Variants in DYNC1I2 observed in about 807,000 individuals in gnomAD.
DYNC1I2 encodes the protein cytoplasmic dynein 1 intermediate chain 2.
A neutral mutation model predicts 88.6 loss-of-function variants in DYNC1I2; 53 were observed. The ratio of observed to expected loss-of-function variants is 0.60; its 90% CI spans 0.48 to 0.75. The LOEUF (loss-of-function observed/expected upper bound fraction) is 0.75, where lower values mean the gene tolerates loss of function less well. Among genes scored for constraint, DYNC1I2 ranks in the 30% least tolerant of loss-of-function variants. DYNC1I2 has a pLI of 0.00. For missense variants in DYNC1I2, 458 were observed against 766.6 expected (o/e 0.60, Z 4.75); for synonymous variants, 198 against 254.6 (o/e 0.78, Z 2.12).
intron 5 of DYNC1I2, among the ~76,000 whole-genome samples, chr2:171,710,122 TACACACACACACACACACACACAC>T (rs55862813): frequency 2.8e-5 from 4 of 144,338 alleles, no homozygotes; most frequent in African/African-American, 1.0e-4. Context: ...TATGTATATA[TACACACACACACACACACACACAC>T]ACACACACAC....
chr2:171,728,388 A>T lies in DYNC1I2; in HGVS notation c.1227A>T (p.Ser409=). The T allele has an allele frequency of 6.2e-7, 1 of 1,602,100 alleles. No homozygotes were observed. Among genetic ancestry groups the T allele is most frequent in the East Asian group, 2.2e-5 (1 of 44,680 alleles). The change falls in exon 13 of 18, where the codon TCA becomes TCT. Residue 409 remains serine (S), a synonymous_variant. Transcript: ENST00000397119. The part of the protein sequence containing the change: ...ISISTDGKIC[S]WSLDMLSHPQ... Reference sequence around the variant, plus strand: ...TCTCTACTGATGGAAAAATTTGTTCATGGAGTCTGGACATGCTTTCCCATC... The same window carrying T: ...TCTCTACTGATGGAAAAATTTGTTCTTGGAGTCTGGACATGCTTTCCCATC...
chr2:171,697,276 C>T (rs907499838), intron 3 of DYNC1I2, among the ~76,000 whole-genome samples: 1 of 152,106 alleles, frequency 6.6e-6, no homozygotes, highest in African/African-American at 2.4e-5. Flanking sequence ...CCTGCCTTGG[C>T]CTCCCAAGGT....
intron 10 of DYNC1I2, chr2:171,726,561 A>G (rs1428412326): frequency 5.2e-6 from 3 of 574,450 alleles, no homozygotes; most frequent in Non-Finnish European, 8.5e-6. Flanking sequence ...TAAAATTTGG[A>G]CACATATTTT....
At chr2:171,725,541 C>G in intron 7 of DYNC1I2, 77 bp from the exon 8 acceptor site, 1 of 942,864 alleles carries the variant, frequency 1.1e-6, no homozygotes, top group Non-Finnish European at 1.5e-6. Context: ...CAAAAGTTAC[C>G]AGCTATTTTC....
At chr2:171,697,170 T>G (rs1685833849) in intron 3 of DYNC1I2, among the ~76,000 whole-genome samples, 1 of 151,812 alleles carries the variant, frequency 6.6e-6, no homozygotes, top group Non-Finnish European at 1.5e-5. Flanking sequence ...CCAACTAATT[T>G]TTTTGTTTTG....
intron 15 of DYNC1I2, among the ~76,000 whole-genome samples, chr2:171,737,191 G>A (rs1689067546): frequency 2.0e-5 from 3 of 152,022 alleles, no homozygotes. Context: ...TCCAGCCTCT[G>A]CCTCTGTCAT....
intron 1 of DYNC1I2, among the ~76,000 whole-genome samples, chr2:171,688,941 A>C (rs148291444): frequency 6.3e-4 from 96 of 152,288 alleles, no homozygotes; most frequent in African/African-American, 2.2e-3. Context: ...TTAGGCAATA[A>C]GTCAATCATG....
chr2:171,721,742 T>C (rs1318062114), intron 7 of DYNC1I2, among the ~76,000 whole-genome samples: 4 of 152,182 alleles, frequency 2.6e-5, no homozygotes, highest in African/African-American at 9.6e-5. Flanking sequence ...TAGGGATTTT[T>C]CATAGGATAT....
At chr2:171,711,825 G>A (rs1222681616) in intron 5 of DYNC1I2, among the ~76,000 whole-genome samples, 1 of 152,140 alleles carries the variant, frequency 6.6e-6, no homozygotes, top group Non-Finnish European at 1.5e-5. Flanking sequence ...TCTTACATAA[G>A]TGAAAAATAT....
chr2:171,716,887 C>T (rs902411341), intron 7 of DYNC1I2, among the ~76,000 whole-genome samples: 1 of 134,618 alleles, frequency 7.4e-6, no homozygotes, highest in Admixed American at 7.9e-5. Flanking sequence ...GCCTGAGCGA[C>T]AGAGCAAGAC....
At chr2:171,729,894 G>T (rs1353999433) in intron 15 of DYNC1I2, 41 bp downstream of exon 15, 2 of 1,608,178 alleles carry the variant, frequency 1.2e-6, no homozygotes, top group Admixed American at 1.7e-5. Flanking sequence ...TCAGGTTTCT[G>T]ACACAAGGTG....
intron 3 of DYNC1I2, among the ~76,000 whole-genome samples, chr2:171,696,908 C>T (rs545297981): frequency 1.1e-3 from 170 of 152,192 alleles, no homozygotes; most frequent in Admixed American, 1.8e-3. Context: ...AAACATTTTT[C>T]TTTCCTCAAG....
chr2:171,701,357 A>T, intron 3 of DYNC1I2, among the ~76,000 whole-genome samples: 1 of 152,144 alleles, frequency 6.6e-6, no homozygotes, highest in East Asian at 1.9e-4. Context: ...TTTGGTAGAG[A>T]CGGGGTTTCA....
At chr2:171,712,691 A>G (rs143870978) in intron 5 of DYNC1I2, 76 bp from the exon 6 acceptor site, 535 of 1,008,134 alleles carry the variant, frequency 5.3e-4, no homozygotes, top group Non-Finnish European at 7.1e-4. Context: ...AGCTTTAGCT[A>G]TTCATAGAAT....
chr2:171,733,033 T>C (rs1266636267), intron 15 of DYNC1I2, among the ~76,000 whole-genome samples: 6 of 152,118 alleles, frequency 3.9e-5, no homozygotes, highest in Admixed American at 2.6e-4. Context: ...GTTGTTCTCC[T>C]CTATGTGTCT....
At chr2:171,728,215 G>A (rs909879439) in intron 12 of DYNC1I2, 90 bp from the exon 13 acceptor site, 15 of 786,408 alleles carry the variant, frequency 1.9e-5, no homozygotes, top group Middle Eastern at 3.8e-4. Context: ...TATGAGACTC[G>A]ATAATAAACA....
intron 3 of DYNC1I2, 143 bp from the exon 4 acceptor site, chr2:171,706,404 G>C: frequency 1.4e-6 from 1 of 695,504 alleles, no homozygotes; most frequent in Non-Finnish European, 2.5e-6. Flanking sequence ...TGCACGTTCA[G>C]CTGTTGTTAT....
intron 15 of DYNC1I2, among the ~76,000 whole-genome samples, chr2:171,737,457 G>A (rs1334166357): frequency 1.3e-5 from 2 of 152,094 alleles, no homozygotes; most frequent in Non-Finnish European, 2.9e-5. Context: ...ATACTCTGTT[G>A]CCCAGGCTGG....
intron 15 of DYNC1I2, among the ~76,000 whole-genome samples, chr2:171,743,176 A>T (rs1689562169): frequency 6.6e-6 from 1 of 152,236 alleles, no homozygotes. Flanking sequence ...CAAGCTAAAG[A>T]AATGAAGATG....
Sources: allele counts gnomAD v4.1 joint callset (sites outside exome capture counted in the v4.1 genomes callset), GRCh38; gene constraint gnomAD v4.1.1; transcripts MANE v1.5; gene names NCBI Gene and HGNC (gene_info 2026-07-23, HGNC 2026-07-21).